Variants in SPA17 observed in about 807,000 individuals in gnomAD.
SPA17 encodes sperm autoantigenic protein 17.
In SPA17, 7 loss-of-function variants were observed where a neutral mutation model predicts 13.8. The observed-to-expected ratio is 0.51, with a 90% confidence interval of 0.29 to 0.95. The LOEUF is 0.95. SPA17 is among the 40% of genes least tolerant of loss of function. The probability of loss-of-function intolerance (pLI) is 0.08; values close to 1 mark genes in which losing one functional copy is unlikely to be tolerated. For synonymous variants in SPA17, 61 were observed against 59.0 expected (o/e 1.03, Z -0.16); for missense variants, 170 against 179.3 (o/e 0.95, Z 0.30).
intron 2 of SPA17, among the ~76,000 whole-genome samples, chr11:124,676,987 G>A (rs145290550): frequency 4.2e-4 from 64 of 152,296 alleles, no homozygotes; most frequent in Admixed American, 1.5e-3. Flanking sequence ...ACAAATTCTT[G>A]CAGTAAAAGT....
chr11:124,685,327 A>C (rs999564438), intron 3 of SPA17, among the ~76,000 whole-genome samples: 6 of 152,262 alleles, frequency 3.9e-5, no homozygotes, highest in African/African-American at 1.4e-4. Flanking sequence ...TTGGCAGCTT[A>C]CATGTGGTGT....
intron 3 of SPA17, among the ~76,000 whole-genome samples, chr11:124,684,376 C>T (rs1943556718): frequency 6.6e-6 from 1 of 152,142 alleles, no homozygotes; most frequent in Non-Finnish European, 1.5e-5. Context: ...ATTCTCCTGC[C>T]TCAGCCTCCC....
At position 124,684,680 on chromosome 11, in the gene SPA17, A is replaced by C. The variant is rs539390317; in HGVS notation, c.225+3221A>C. On this transcript the variant is annotated intron_variant, in intron 3 of 4. Transcript: ENST00000227135. Reference sequence around the variant, plus strand: ...TCTTTGGAGGGCTCAGAAGACAAGAAGATGTTGGAAAATCTGGAACTTCCT... The same window carrying C: ...TCTTTGGAGGGCTCAGAAGACAAGACGATGTTGGAAAATCTGGAACTTCCT... Among the ~76,000 whole-genome samples the C allele has an allele frequency of 1.1e-4, 17 of 152,332 alleles. No individual in the cohort carries two copies. In the South Asian group the frequency reaches 3.5e-3, roughly 32 times the overall value.
chr11:124,680,619 G>A (rs1591403995), intron 2 of SPA17, among the ~76,000 whole-genome samples: 2 of 152,242 alleles, frequency 1.3e-5, no homozygotes, highest in Non-Finnish European at 2.9e-5. Flanking sequence ...TGAGGATATT[G>A]AGGAATTATT....
At chr11:124,676,285 A>C (rs535596858) in intron 2 of SPA17, 1 of 152,202 alleles carries the variant, frequency 6.6e-6, no homozygotes, top group Non-Finnish European at 1.5e-5. Context: ...TAGCCACTGC[A>C]CTCCATCCTG....
chr11:124,677,496 G>A (rs867235420), intron 2 of SPA17, among the ~76,000 whole-genome samples: 3 of 152,032 alleles, frequency 2.0e-5, no homozygotes, highest in South Asian at 2.1e-4. Context: ...CAAATTAGTC[G>A]AGTATATAAA....
intron 3 of SPA17, among the ~76,000 whole-genome samples, chr11:124,681,905 A>G (rs1943533741): frequency 6.6e-6 from 1 of 152,164 alleles, no homozygotes; most frequent in Non-Finnish European, 1.5e-5. Flanking sequence ...TATTTCGTAG[A>G]CCAAAACACT....
intron 3 of SPA17, among the ~76,000 whole-genome samples, chr11:124,685,725 CATGGAT>C (rs1943572387): frequency 6.6e-6 from 1 of 152,172 alleles, no homozygotes; most frequent in South Asian, 2.1e-4. Context: ...CTCAGCACAC[CATGGAT>C]TTGAGACATG....
Position 124,673,918 on chromosome 11 carries a change from C to G in SPA17, c.-62C>G. 1 of 594,746 alleles carries G rather than the reference C, an allele frequency of 1.7e-6. No homozygotes were observed. The highest frequency in any genetic ancestry group is 3.0e-6 in the Non-Finnish European group (1 of 337,800). 36.8% of individuals were successfully genotyped at this position (594,746 alleles called of 1,614,324 possible). ...GGTTACCCAGCAACTAGAAAAACAA[C>G]CGGAACCGGCGGCACCAGCTCGGAG... On this transcript the variant is annotated 5_prime_UTR_variant, in exon 1 of 5. Coordinates refer to ENST00000227135, the MANE Select transcript of SPA17 (RefSeq NM_017425.4).
intron 1 of SPA17, 53 bp downstream of exon 1, chr11:124,674,005 T>G: frequency 2.3e-6 from 1 of 443,964 alleles, no homozygotes; most frequent in Admixed American, 3.5e-5. Context: ...CCTTTTCCCT[T>G]CGTCTCTCTT....
chr11:124,685,882 C>G (rs911257341), intron 3 of SPA17, among the ~76,000 whole-genome samples: 1 of 152,174 alleles, frequency 6.6e-6, no homozygotes, highest in Non-Finnish European at 1.5e-5. Context: ...GCCTGTACCC[C>G]CATTGTATCT....
chr11:124,681,491 A>C, intron 3 of SPA17, 32 bp downstream of exon 3: 1 of 1,514,858 alleles, frequency 6.6e-7, no homozygotes, highest in Non-Finnish European at 8.9e-7. Context: ...GGATTTGGCT[A>C]TTTCTTCTCT....
chr11:124,678,337 A>AT (rs889841955), intron 2 of SPA17, among the ~76,000 whole-genome samples: 31 of 149,640 alleles, frequency 2.1e-4, no homozygotes, highest in African/African-American at 4.9e-4. Context: ...GTGTGCTACC[A>AT]TTTTTTTTTT....
intron 2 of SPA17, among the ~76,000 whole-genome samples, chr11:124,679,734 G>A (rs980896259): frequency 2.0e-5 from 3 of 152,160 alleles, no homozygotes; most frequent in African/African-American, 7.2e-5. Context: ...GAATATACCA[G>A]ATTAGGCTGA....
chr11:124,687,830 T>C (rs537124777), intron 3 of SPA17, among the ~76,000 whole-genome samples: 1 of 152,188 alleles, frequency 6.6e-6, no homozygotes, highest in South Asian at 2.1e-4. Flanking sequence ...GCTAATATTA[T>C]ACTGAATGGG....
intron 3 of SPA17, among the ~76,000 whole-genome samples, chr11:124,683,086 G>T (rs554860421): frequency 2.6e-5 from 4 of 152,198 alleles, no homozygotes; most frequent in African/African-American, 7.2e-5. Flanking sequence ...ATAATTCAAA[G>T]AGCTGGAAGA....
chr11:124,696,614 T>G lies in SPA17; in HGVS notation c.*2168T>G, dbSNP rs1943673834. The G allele has an allele frequency of 1.3e-5, 2 of 152,268 alleles. No individual in the cohort carries two copies. The highest frequency in any genetic ancestry group is 4.1e-4 in the South Asian group (2 of 4,822). 9.4% of individuals were successfully genotyped at this position (152,268 alleles called of 1,614,324 possible). A position where few individuals can be genotyped will look rare whatever the true frequency, so the allele number is the denominator to read the frequency against. ...GACACTTTATTAGAACTTATCTGGT[T>G]TTCCTCTTATCTCTCTGGCTGTTCC... On this transcript the variant is annotated 3_prime_UTR_variant, in exon 5 of 5. Transcript: ENST00000227135.
Position 124,697,333 on chromosome 11 carries a change from T to C in SPA17, c.*2887T>C, listed in dbSNP as rs991310959. 2.0e-5 allele frequency: 3 copies of C among 152,294 alleles called. No homozygotes were observed. The highest frequency in any genetic ancestry group is 4.4e-5 in the Non-Finnish European group (3 of 68,094). 9.4% of individuals were successfully genotyped at this position (152,294 alleles called of 1,614,324 possible). Reference sequence around the variant, plus strand: ...AGGTCAGCTCTAAGCTGTGGGTTTGTGGGCTGACAGGAAGGTCTGCTTCAG... The same window carrying C: ...AGGTCAGCTCTAAGCTGTGGGTTTGCGGGCTGACAGGAAGGTCTGCTTCAG... On this transcript the variant is annotated 3_prime_UTR_variant, in exon 5 of 5. Coordinates refer to ENST00000227135, the MANE Select transcript of SPA17 (RefSeq NM_017425.4).
In SPA17 at chr11:124,696,316, A is replaced by G. The variant is rs1399037432; in HGVS notation, c.*1870A>G. 6.6e-6 allele frequency: 1 copy of G among 152,170 alleles called. No individual in the cohort carries two copies. The highest frequency in any genetic ancestry group is 1.5e-5 in the Non-Finnish European group (1 of 68,032). The allele number at this position is 152,170 out of a possible 1,614,324, so 9.4% of individuals were successfully genotyped here. ...TTAGCGGATTGTCAAGGGGGGACCC[A>G]GAATTTATGCAAAGACTTAGATTCC... On this transcript the variant is annotated 3_prime_UTR_variant, in exon 5 of 5. Transcript: ENST00000227135.
Sources: gnomAD v4.1 joint callset for allele counts (sites outside exome capture counted in the v4.1 genomes callset) on GRCh38, gnomAD v4.1.1 for gene constraint, MANE v1.5 for transcripts, NCBI Gene and HGNC (gene_info 2026-07-23, HGNC 2026-07-21) for gene names.